Variants in PDK1 observed in about 807,000 individuals in gnomAD.
The protein encoded by PDK1 is pyruvate dehydrogenase kinase 1, also known as [Pyruvate dehydrogenase (acetyl-transferring)] kinase isozyme 1, mitochondrial.
In PDK1, 39 loss-of-function variants were observed where a neutral mutation model predicts 54.2. The observed-to-expected ratio is 0.72, with a 90% CI of 0.56 to 0.94. The LOEUF (loss-of-function observed/expected upper bound fraction) is 0.94, where lower values mean the gene tolerates loss of function less well. Among genes scored for constraint, PDK1 ranks in the 40% least tolerant of loss-of-function variants. PDK1 has a pLI of 0.00. For missense variants in PDK1, 552 were observed against 566.0 expected, an observed-to-expected ratio of 0.98 and a Z score of 0.25; for synonymous variants, 221 against 207.1, an observed-to-expected ratio of 1.07 and a Z score of -0.58.
chr2:172,583,733 CCATTATAA>C (rs1169038472), intron 8 of PDK1, among the ~76,000 whole-genome samples: 1 of 151,762 alleles, frequency 6.6e-6, no homozygotes, highest in Non-Finnish European at 1.5e-5. Context: ...TACATAATTA[CCATTATAA>C]AGGTAATATA....
chr2:172,691,613 C>T, the PDK1 span, among the ~76,000 whole-genome samples: 2 of 152,212 alleles, frequency 1.3e-5, no homozygotes, highest in East Asian at 1.9e-4. Flanking sequence ...GATCGTTTTG[C>T]TATCTTCATA....
At chr2:172,561,688 T>G (rs894964649) in intron 2 of PDK1, among the ~76,000 whole-genome samples, 5 of 152,220 alleles carry the variant, frequency 3.3e-5, no homozygotes, top group Non-Finnish European at 7.3e-5. Context: ...TTTATGACTT[T>G]TGTGTTTTTT....
chr2:172,692,167 A>T, the PDK1 span, among the ~76,000 whole-genome samples: 1 of 152,214 alleles, frequency 6.6e-6, no homozygotes, highest in African/African-American at 2.4e-5. Context: ...ATAAGTACAC[A>T]GATTTCCTGG....
the PDK1 span, among the ~76,000 whole-genome samples, chr2:172,623,482 C>G: frequency 6.6e-6 from 1 of 152,116 alleles, no homozygotes; most frequent in East Asian, 1.9e-4. Flanking sequence ...TTATAAAAGC[C>G]TGTGGATGCA....
intron 8 of PDK1, among the ~76,000 whole-genome samples, chr2:172,580,465 G>A (rs948648495): frequency 3.3e-5 from 5 of 152,076 alleles, no homozygotes; most frequent in Non-Finnish European, 4.4e-5. Flanking sequence ...GCTATTATCC[G>A]TCATTGCATA....
chr2:172,571,157 T>G (rs1049164538), intron 8 of PDK1, among the ~76,000 whole-genome samples: 1 of 152,164 alleles, frequency 6.6e-6, no homozygotes, highest in African/African-American at 2.4e-5. Flanking sequence ...ATATATAATT[T>G]AAAAAATTTT....
At chr2:172,573,108 T>C (rs1315361342) in intron 8 of PDK1, among the ~76,000 whole-genome samples, 1 of 152,216 alleles carries the variant, frequency 6.6e-6, no homozygotes, top group Non-Finnish European at 1.5e-5. Context: ...CTTATGTATA[T>C]ACCTAGGAAT....
intron 8 of PDK1, among the ~76,000 whole-genome samples, chr2:172,579,705 T>C (rs536327905): frequency 0.019 from 1,832 of 95,718 alleles, 13 homozygotes; most frequent in Middle Eastern, 0.056. Flanking sequence ...AGTTTTTAAC[T>C]TTTTTTTTTT....
At position 172,559,101 on chromosome 2, in the gene PDK1, A is replaced by G. The variant is rs1688517799; in HGVS notation, c.338+252A>G. Among the ~76,000 whole-genome samples, 3 of 152,120 alleles carry G rather than the reference A, an allele frequency of 2.0e-5. No individual in the cohort carries two copies. In the South Asian group the frequency reaches 6.2e-4, roughly 32 times the overall value. ...GTAACTGGGATTACAGGCACGTGCC[A>G]CCACGCCCAGCTAATTTTTGTATTT... On this transcript the variant is annotated intron_variant, in intron 2 of 10. Transcript: ENST00000282077.
the PDK1 span, chr2:172,724,227 G>C: frequency 6.6e-6 from 1 of 152,138 alleles, no homozygotes; most frequent in Non-Finnish European, 1.5e-5. Context: ...TGGAGAATTT[G>C]AAACATTCTG....
intron 8 of PDK1, among the ~76,000 whole-genome samples, chr2:172,581,502 G>T (rs1035908980): frequency 6.6e-6 from 1 of 152,200 alleles, no homozygotes; most frequent in Non-Finnish European, 1.5e-5. Flanking sequence ...GAATAAAGCT[G>T]TTTAAAATAA....
At chr2:172,625,065 A>G in the PDK1 span, among the ~76,000 whole-genome samples, 1 of 151,946 alleles carries the variant, frequency 6.6e-6, no homozygotes, top group African/African-American at 2.4e-5. Flanking sequence ...TCCAGGGAGA[A>G]AACATGGAGA....
the PDK1 span, among the ~76,000 whole-genome samples, chr2:172,645,260 C>CTTTT: frequency 0.034 from 1,726 of 51,136 alleles, 527 homozygotes; most frequent in African/African-American, 0.038. Flanking sequence ...ACAAAATAGG[C>CTTTT]TTTTTTTTTT....
At chr2:172,621,050 C>A in the PDK1 span, among the ~76,000 whole-genome samples, 8 of 152,298 alleles carry the variant, frequency 5.3e-5, no homozygotes, top group African/African-American at 1.7e-4. Flanking sequence ...GAAGCCAAGG[C>A]AGACGGATCA....
chr2:172,661,160 G>T, the PDK1 span, among the ~76,000 whole-genome samples: 1 of 152,212 alleles, frequency 6.6e-6, no homozygotes, highest in Non-Finnish European at 1.5e-5. Context: ...GTTTTCAGTT[G>T]AATGTAGCTG....
At chr2:172,634,262 A>ATTATTATTATTATTATTATTATTAT in the PDK1 span, among the ~76,000 whole-genome samples, 5 of 139,462 alleles carry the variant, frequency 3.6e-5, no homozygotes, top group South Asian at 2.3e-4. Context: ...AAATCTATTT[A>ATTATTATTATTATTATTATTATTAT]TATTATTATT....
At chr2:172,637,698 A>AT in the PDK1 span, among the ~76,000 whole-genome samples, 1,173 of 151,594 alleles carry the variant, frequency 7.7e-3, 18 homozygotes, top group African/African-American at 0.027. Flanking sequence ...TTATCTTCTT[A>AT]TTTTTTTATT....
rs913807915 is a variant in PDK1 at position 172,607,110 on chromosome 2, T to C, written c.*11141T>C. On this transcript the variant is annotated 3_prime_UTR_variant, in exon 11 of 11. Coordinates refer to ENST00000282077, the MANE Select transcript of PDK1 (RefSeq NM_002610.5). ...AGCCAAAGACTAACATCAACATGCT[T>C]ACATTTTGAGTCCAAAATTAAAATC... The C allele has an allele frequency of 2.6e-5, 4 of 152,164 alleles. No homozygotes were observed. Among genetic ancestry groups the C allele is most frequent in the African/African-American group, 9.7e-5 (4 of 41,436 alleles). The allele number at this position is 152,164 out of a possible 1,614,324, so 9.4% of individuals were successfully genotyped here.
the PDK1 span, among the ~76,000 whole-genome samples, chr2:172,631,139 A>C: frequency 6.6e-6 from 1 of 152,244 alleles, no homozygotes; most frequent in Non-Finnish European, 1.5e-5. Flanking sequence ...TCTGTTAAAC[A>C]ATGTACCCCT....
Sources: gnomAD v4.1 joint callset for allele counts (sites outside exome capture counted in the v4.1 genomes callset) on GRCh38, gnomAD v4.1.1 for gene constraint, MANE v1.5 for transcripts, NCBI Gene and HGNC (gene_info 2026-07-23, HGNC 2026-07-21) for gene names.